Variants in F5 observed in about 807,000 individuals in gnomAD.
The protein encoded by F5 is coagulation factor V.
In F5, 138 loss-of-function variants were observed where a neutral mutation model predicts 216.4. That is an observed-to-expected ratio of 0.64 (90% CI 0.56 to 0.73). F5 has a LOEUF of 0.73. F5 is among the 30% of genes least tolerant of loss of function. The pLI is 0.00. For synonymous variants in F5, 916 were observed against 930.7 expected (o/e 0.98, Z 0.29); for missense variants, 2,403 against 2,674.0 (o/e 0.90, Z 2.24).
Position 169,540,808 on chromosome 1 carries a change from A to T in F5, c.4282T>A (p.Ser1428Thr). 1 of 1,611,402 alleles carries T rather than the reference A, an allele frequency of 6.2e-7. No individual in the cohort carries two copies. The highest frequency in any genetic ancestry group is 8.5e-7 in the Non-Finnish European group (1 of 1,178,996). ...ACCTGGCTGAGGTCTGGGGAAAGGG[A>T]CATCTGACCAAAGTTTGGGGAAAGA... ...TDLSPNFGQMSLSPDLSQVTL... is the reference protein window; with the variant it reads ...TDLSPNFGQMTLSPDLSQVTL... Residue 1428 changes from serine to threonine, a missense_variant, in exon 13 of 25, where the codon TCC becomes ACC. Physicochemically the swap from Ser to Thr is moderately conservative, Grantham distance 58. Around this residue, in one of 4 missense-constraint regions of F5, gnomAD observed 293 missense variants for 270.8 expected, o/e 1.08. Transcript: ENST00000367797.
At chr1:169,527,516 A>G (rs1659486706) in intron 17 of F5, among the ~76,000 whole-genome samples, 1 of 152,176 alleles carries the variant, frequency 6.6e-6, no homozygotes, top group South Asian at 2.1e-4. Flanking sequence ...CAAAGATATT[A>G]GGGTGATAGG....
At chr1:169,574,212 AC>A (rs1272793926) in intron 2 of F5, among the ~76,000 whole-genome samples, 1 of 152,154 alleles carries the variant, frequency 6.6e-6, no homozygotes, top group African/African-American at 2.4e-5. Flanking sequence ...CCCTGTGGAT[AC>A]CAAGGGATGA....
rs564109214 is a variant in F5, at chr1:169,550,892, C to A, written c.1297-153G>T. 3.1e-4 allele frequency among the ~76,000 whole-genome samples: 47 copies of A among 152,194 alleles called. 1 individual carries two copies. The highest frequency in any genetic ancestry group is 5.9e-5 in the Non-Finnish European group (4 of 68,004). Reference sequence around the variant, plus strand: ...TTAGATCTGTTTATCTGAGCAGTAACCTCCCCTCATCACTTGGCAGGAGCA... The same window carrying A: ...TTAGATCTGTTTATCTGAGCAGTAAACTCCCCTCATCACTTGGCAGGAGCA... On this transcript the variant is annotated intron_variant, in intron 8 of 24. Transcript: ENST00000367797.
chr1:169,560,897 A>G (rs1660467281), intron 3 of F5, 131 bp from the exon 4 acceptor site: 1 of 772,212 alleles, frequency 1.3e-6, no homozygotes, highest in South Asian at 1.5e-5. Context: ...AACTTTTATT[A>G]TTTGGAAAGA....
In F5 at chr1:169,542,436, A is replaced by G; in HGVS notation, c.2654T>C (p.Leu885Ser). The G allele has an allele frequency of 6.2e-7, 1 of 1,613,998 alleles. No homozygotes were observed. The highest frequency in any genetic ancestry group is 8.5e-7 in the Non-Finnish European group (1 of 1,179,970). ...AAKHRFSWMK[L>S]LAHKVGRHLS... ...GTGTCTCCCAACTTTATGTGCTAGTAATTTCATCCAGGAGAACCTGTGCTT... is the reference window on the plus strand; with the variant it reads ...GTGTCTCCCAACTTTATGTGCTAGTGATTTCATCCAGGAGAACCTGTGCTT... Residue 885 changes from leucine (L) to serine (S), a missense_variant, in exon 13 of 25, where the codon TTA becomes TCA. By Grantham distance (145) the Leu-to-Ser change is moderately radical. This residue lies in a region of F5 where 1,425 missense variants were observed against 1,554.8 expected (regional missense o/e 0.92). Transcript: ENST00000367797.
chr1:169,526,012 A>G lies in F5; in HGVS notation c.5605T>C (p.Phe1869Leu). 1 of 1,607,224 alleles carries G rather than the reference A, an allele frequency of 6.2e-7. No homozygotes were observed. Among genetic ancestry groups the G allele is most frequent in the South Asian group, 1.1e-5 (1 of 90,948 alleles). Residue 1869 changes from phenylalanine to leucine, a missense_variant, in exon 18 of 25, where the codon TTT becomes CTT. This residue lies in a region of F5 where 659 missense variants were observed against 787.9 expected (regional missense o/e 0.84). Coordinates refer to ENST00000367797, the MANE Select transcript of F5 (RefSeq NM_000130.5). ...GATGCCTTCATTTCAAGAGTTTTAAATGAACCTAAAATAAAAAGAACAACA... is the reference window on the plus strand; with the variant it reads ...GATGCCTTCATTTCAAGAGTTTTAAGTGAACCTAAAATAAAAAGAACAACA... Reference protein sequence around the residue: ...LGVWPLLPGSFKTLEMKASKP... With the variant: ...LGVWPLLPGSLKTLEMKASKP...
At chr1:169,575,328 G>T (rs891956871) in intron 2 of F5, among the ~76,000 whole-genome samples, 11 of 152,202 alleles carry the variant, frequency 7.2e-5, no homozygotes, top group African/African-American at 9.6e-5. Flanking sequence ...GTGAAAGGAA[G>T]GGGCAGAAGG....
intron 3 of F5, among the ~76,000 whole-genome samples, chr1:169,561,338 G>A (rs9332687): frequency 1.2e-3 from 187 of 152,096 alleles, no homozygotes; most frequent in Non-Finnish European, 2.4e-3. Context: ...TTGTCTGTAT[G>A]AATATGAAAT....
chr1:169,576,732 C>T (rs1446228346), intron 2 of F5, among the ~76,000 whole-genome samples: 3 of 152,164 alleles, frequency 2.0e-5, no homozygotes, highest in African/African-American at 2.4e-5. Flanking sequence ...ACTGACTATT[C>T]CCACCTACCC....
At chr1:169,558,332 A>G (rs1252271382) in intron 5 of F5, among the ~76,000 whole-genome samples, 1 of 152,176 alleles carries the variant, frequency 6.6e-6, no homozygotes, top group East Asian at 1.9e-4. Flanking sequence ...CAGAAAACCA[A>G]GTGGAAAATG....
In F5 at chr1:169,513,572, T is replaced by C. The variant is rs1335109328; in HGVS notation, c.*741A>G. On this transcript the variant is annotated 3_prime_UTR_variant, in exon 25 of 25. Transcript: ENST00000367797. ...GTTCCCATGCTCTGTTTTACAGGTC[T>C]GAGCTTTCCAGTAGGTGAAATTATG... is the stretch of plus-strand genomic sequence containing the variant. Among the ~76,000 whole-genome samples the C allele has an allele frequency of 9.2e-5, 14 of 152,160 alleles. No homozygotes were observed. Among genetic ancestry groups the C allele is most frequent in the Admixed American group, 9.2e-4 (14 of 15,258 alleles).
intron 2 of F5, among the ~76,000 whole-genome samples, chr1:169,578,786 A>T (rs1660921854): frequency 6.6e-6 from 1 of 152,114 alleles, no homozygotes; most frequent in South Asian, 2.1e-4. Flanking sequence ...TTTTATTTGC[A>T]ACGTTATCCT....
rs766505537 is a variant in F5 at position 169,540,575 on chromosome 1, C to A, written c.4515G>T (p.Lys1505Asn). Residue 1505 changes from lysine to asparagine, a missense_variant, in exon 13 of 25, where the codon AAG becomes AAT. By Grantham distance (94) the Lys-to-Asn change is moderately conservative (BLOSUM62 0). Around this residue, in one of 4 missense-constraint regions of F5, gnomAD observed 293 missense variants for 270.8 expected, o/e 1.08. Coordinates refer to ENST00000367797, the MANE Select transcript of F5 (RefSeq NM_000130.5). ...CCACTATAACCAGTGGATTAAATTC[C>A]TTTGATAGAAAAGTATCATTGAGAG... Reference protein sequence around the residue: ...SPTLNDTFLSKEFNPLVIVGL... With the variant: ...SPTLNDTFLSNEFNPLVIVGL... The A allele has an allele frequency of 4.3e-5, 70 of 1,613,816 alleles. No individual in the cohort carries two copies. The highest frequency in any genetic ancestry group is 5.7e-5 in the Non-Finnish European group (67 of 1,179,962).
rs558951223 is a variant in F5 at position 169,561,352 on chromosome 1, T to C, written c.374-586A>G. Among the ~76,000 whole-genome samples the C allele has an allele frequency of 3.7e-4, 57 of 152,210 alleles. No homozygotes were observed. The South Asian group carries it at 0.012, about 32-fold the overall frequency. ...GTTGTCTGTATGAATATGAAATGTG[T>C]CCATCCCCTGAAACTTAGATGTCTT... On this transcript the variant is annotated intron_variant, in intron 3 of 24. Coordinates refer to ENST00000367797, the MANE Select transcript of F5 (RefSeq NM_000130.5).
At chr1:169,519,084 G>A (rs1022458891) in intron 22 of F5, among the ~76,000 whole-genome samples, 4 of 152,146 alleles carry the variant, frequency 2.6e-5, no homozygotes, top group Admixed American at 2.6e-4. Context: ...ATTTTTCCAA[G>A]GTGTAATTTG....
In F5 at chr1:169,528,069, C is replaced by A. The variant is rs758837114; in HGVS notation, c.5445G>T (p.Leu1815Phe). 4.3e-6 allele frequency: 7 copies of A among 1,613,756 alleles called. No individual in the cohort carries two copies. Among genetic ancestry groups the A allele is most frequent in the Non-Finnish European group, 5.9e-6 (7 of 1,179,844 alleles). The change falls in exon 17 of 25, where the codon TTG becomes TTT. Residue 1815 changes from leucine (L) to phenylalanine (F), a missense_variant. Leu to Phe is a conservative substitution (Grantham distance 22). This residue lies in a region of F5 where 659 missense variants were observed against 787.9 expected (regional missense o/e 0.84). Transcript: ENST00000367797. ...FHAINGMIYS[L>F]PGLKMYEQEW... ...CTTGCTCATACATTTTCAGGCCAGG[C>A]AAGCTGTAGATCATCCCATTAATGG... is the stretch of plus-strand genomic sequence containing the variant.
intron 1 of F5, among the ~76,000 whole-genome samples, chr1:169,585,134 G>A (rs1661074703): frequency 6.6e-6 from 1 of 152,118 alleles, no homozygotes; most frequent in South Asian, 2.1e-4. Flanking sequence ...CAAAGGGTGT[G>A]GGTGTGACCT....
At chr1:169,550,091 G>C in intron 9 of F5, 76 bp from the exon 10 acceptor site, 1 of 1,181,140 alleles carries the variant, frequency 8.5e-7, no homozygotes, top group Non-Finnish European at 1.3e-6. Flanking sequence ...ATAAGCTTTC[G>C]CTGGAACCAA....
intron 10 of F5, among the ~76,000 whole-genome samples, 167 bp downstream of exon 10, chr1:169,549,634 C>CAA (rs55717622): frequency 1.4e-4 from 21 of 144,932 alleles, no homozygotes; most frequent in South Asian, 2.2e-4. Flanking sequence ...ATAGACAAGA[C>CAA]AAAAAAAAAA....
Sources: gnomAD v4.1 joint callset for allele counts (sites outside exome capture counted in the v4.1 genomes callset) on GRCh38, gnomAD v4.1.1 for gene constraint, gnomAD v4.1.1 regional missense constraint, MANE v1.5 for transcripts, NCBI Gene and HGNC (gene_info 2026-07-23, HGNC 2026-07-21) for gene names.